Variants in METTL15 observed in about 807,000 individuals in gnomAD.
METTL15 encodes the protein methyltransferase 15, mitochondrial 12S rRNA N4-cytidine, also known as 12S rRNA N(4)-cytidine methyltransferase METTL15.
In METTL15, 34 loss-of-function variants were observed where a neutral mutation model predicts 38.3. The observed-to-expected ratio is 0.89, with a 90% CI of 0.68 to 1.18. The LOEUF is 1.18. METTL15 is among the 50% of genes most tolerant of loss of function. The pLI, the probability that METTL15 is intolerant of heterozygous loss-of-function variation, is 0.00. For synonymous variants in METTL15, 162 were observed against 170.9 expected (o/e 0.95, Z 0.41); for missense variants, 438 against 498.4 (o/e 0.88, Z 1.15).
At chr11:28,441,876 TTTTCATTCTAGAAAA>T (rs1170236469) in intron 6 of METTL15, among the ~76,000 whole-genome samples, 1 of 152,118 alleles carries the variant, frequency 6.6e-6, no homozygotes, top group African/African-American at 2.4e-5. Flanking sequence ...TTGGTCTAGG[TTTTCATTCTAGAAAA>T]TACTAATTAC....
At chr11:28,252,080 T>G (rs1385078144) in intron 4 of METTL15, among the ~76,000 whole-genome samples, 2 of 152,144 alleles carry the variant, frequency 1.3e-5, no homozygotes, top group African/African-American at 2.4e-5. Context: ...TGATATTTAT[T>G]TGGCACCAAC....
chr11:28,238,665 A>C (rs546170409), intron 4 of METTL15, among the ~76,000 whole-genome samples: 4 of 152,334 alleles, frequency 2.6e-5, no homozygotes, highest in African/African-American at 9.6e-5. Flanking sequence ...CCGGTACCTC[A>C]GATGGAAATG....
chr11:28,293,481 A>G (rs1856605277), intron 5 of METTL15, among the ~76,000 whole-genome samples: 1 of 152,240 alleles, frequency 6.6e-6, no homozygotes, highest in Non-Finnish European at 1.5e-5. Flanking sequence ...GTTTGAAGTC[A>G]GGTAGCGTGA....
At chr11:28,456,044 C>T (rs1433880835) in intron 6 of METTL15, among the ~76,000 whole-genome samples, 1 of 152,100 alleles carries the variant, frequency 6.6e-6, no homozygotes, top group African/African-American at 2.4e-5. Flanking sequence ...TTCACTCCAT[C>T]ATGCCGGCTG....
At chr11:28,127,258 A>G (rs1267495928) in intron 3 of METTL15, among the ~76,000 whole-genome samples, 1 of 152,170 alleles carries the variant, frequency 6.6e-6, no homozygotes, top group East Asian at 1.9e-4. Context: ...TTGGAGAAGA[A>G]TGGGCAGATT....
chr11:28,182,387 A>C (rs1454952111), intron 3 of METTL15, among the ~76,000 whole-genome samples: 1 of 152,018 alleles, frequency 6.6e-6, no homozygotes, highest in East Asian at 1.9e-4. Context: ...TTATGGTTTT[A>C]GGTCTTATGT....
chr11:28,163,642 AT>A (rs1850553031), intron 3 of METTL15: 1 of 392,468 alleles, frequency 2.5e-6, no homozygotes, highest in Non-Finnish European at 4.5e-6. Flanking sequence ...TATCTATTTA[AT>A]TTTCCCCCAG....
At chr11:28,438,002 A>G (rs923533733) in intron 6 of METTL15, among the ~76,000 whole-genome samples, 1 of 122,082 alleles carries the variant, frequency 8.2e-6, no homozygotes, top group African/African-American at 2.6e-5. Flanking sequence ...ATAAATATTT[A>G]CTGAATAAAA....
intron 4 of METTL15, among the ~76,000 whole-genome samples, chr11:28,239,699 T>G (rs1394638475): frequency 6.6e-6 from 1 of 152,202 alleles, no homozygotes; most frequent in African/African-American, 2.4e-5. Flanking sequence ...TGTTTGCACC[T>G]CCAAGCCATT....
chr11:28,334,700 A>G (rs530951453), downstream of METTL15, among the ~76,000 whole-genome samples: 4 of 152,288 alleles, frequency 2.6e-5, no homozygotes, highest in Non-Finnish European at 5.9e-5. Flanking sequence ...TATAGCTACT[A>G]TATCCAACTA....
chr11:28,162,899 A>C (rs1439119391), intron 3 of METTL15, among the ~76,000 whole-genome samples: 1 of 152,152 alleles, frequency 6.6e-6, no homozygotes, highest in Non-Finnish European at 1.5e-5. Flanking sequence ...TAAAGTTAAA[A>C]AATTGTAAGT....
intron 3 of METTL15, among the ~76,000 whole-genome samples, chr11:28,196,512 G>A (rs1226720959): frequency 6.6e-6 from 1 of 151,806 alleles, no homozygotes; most frequent in Non-Finnish European, 1.5e-5. Context: ...GCTTATTGAT[G>A]TACAGCAGTG....
At chr11:28,467,926 TC>T (rs765249082) in intron 6 of METTL15, among the ~76,000 whole-genome samples, 7 of 152,284 alleles carry the variant, frequency 4.6e-5, no homozygotes, top group Non-Finnish European at 1.0e-4. Flanking sequence ...TATTTATTTG[TC>T]GCACTTCCCC....
At chr11:28,500,174 C>T (rs1486707100) in intron 6 of METTL15, among the ~76,000 whole-genome samples, 2 of 152,130 alleles carry the variant, frequency 1.3e-5, no homozygotes, top group Admixed American at 6.5e-5. Flanking sequence ...ATGGTGGGCT[C>T]AGGATTCACA....
At chr11:28,381,063 T>G (rs934661209) in intron 5 of METTL15, among the ~76,000 whole-genome samples, 11 of 152,200 alleles carry the variant, frequency 7.2e-5, no homozygotes, top group African/African-American at 2.7e-4. Flanking sequence ...TGTTCATAGC[T>G]CACTGAAGCC....
At chr11:28,152,302 CTTAA>C (rs1850118249) in intron 3 of METTL15, among the ~76,000 whole-genome samples, 1 of 151,720 alleles carries the variant, frequency 6.6e-6, no homozygotes, top group South Asian at 2.1e-4. Flanking sequence ...AAGCTGCTGT[CTTAA>C]ATTATGTACT....
chr11:28,270,404 C>T (rs1369499493), intron 4 of METTL15, among the ~76,000 whole-genome samples: 1 of 152,148 alleles, frequency 6.6e-6, no homozygotes, highest in Non-Finnish European at 1.5e-5. Flanking sequence ...ATAACCTTTT[C>T]CAGCTCCATC....
intron 4 of METTL15, among the ~76,000 whole-genome samples, chr11:28,214,698 G>C (rs894589106): frequency 3.9e-5 from 6 of 152,096 alleles, no homozygotes; most frequent in African/African-American, 1.4e-4. Context: ...ATGTAAATAG[G>C]ATTTTTCTAT....
chr11:28,215,199 G>A (rs377707324), intron 4 of METTL15, among the ~76,000 whole-genome samples: 6 of 152,260 alleles, frequency 3.9e-5, no homozygotes, highest in African/African-American at 1.4e-4. Context: ...GGGTGTGAAG[G>A]TAGGACCCCT....
Sources: allele counts gnomAD v4.1 joint callset (sites outside exome capture counted in the v4.1 genomes callset), GRCh38; gene constraint gnomAD v4.1.1; transcripts MANE v1.5; gene names NCBI Gene and HGNC (gene_info 2026-07-23, HGNC 2026-07-21).